GDA: variants seen among roughly 807,000 people sequenced by gnomAD.
The protein encoded by GDA is cytoplasmic PSD-95 interactor.
In GDA, 18 loss-of-function variants were observed where a neutral mutation model predicts 59.6. That is an observed-to-expected ratio of 0.30 (90% CI 0.21 to 0.45). The LOEUF (loss-of-function observed/expected upper bound fraction) is 0.45, where lower values mean the gene tolerates loss of function less well. GDA is among the 20% of genes least tolerant of loss of function. The pLI is 1.00. For missense variants in GDA, 427 were observed against 552.3 expected (o/e 0.77, Z 2.27); for synonymous variants, 201 against 201.1 (o/e 1.00, Z 0.00).
At chr9:72,231,039 C>T (rs1587740508) in intron 9 of GDA, 75 bp from the exon 10 acceptor site, 6 of 855,838 alleles carry the variant, frequency 7.0e-6, no homozygotes, top group South Asian at 4.0e-5. Flanking sequence ...GTGGCATCAC[C>T]GTCATTGTTA....
chr9:72,241,036 C>T, intron 10 of GDA, 116 bp from the exon 11 acceptor site: 2 of 631,386 alleles, frequency 3.2e-6, no homozygotes, highest in Admixed American at 2.8e-5. Flanking sequence ...TAGTTAAGAG[C>T]TTTTTAAAAA....
intron 1 of GDA, among the ~76,000 whole-genome samples, chr9:72,179,725 A>T (rs1020329204): frequency 1.3e-5 from 2 of 152,204 alleles, no homozygotes; most frequent in Non-Finnish European, 2.9e-5. Context: ...GAAGTCCAAG[A>T]TCAAGGAATC....
chr9:72,197,668 AGTAAG>A (rs1437165899), intron 2 of GDA: 1 of 152,202 alleles, frequency 6.6e-6, no homozygotes, highest in African/African-American at 2.4e-5. Context: ...ACAAGGAAGT[AGTAAG>A]GTAAGAAATA....
chr9:72,249,967 A>T lies in GDA; in HGVS notation c.*1625A>T. On this transcript the variant is annotated 3_prime_UTR_variant, in exon 14 of 14. Transcript: ENST00000358399. ...TTTGATTATGTATACATGACACCTA[A>T]AGAGGGAACAAAAGTTAGTTTTATT... is the stretch of plus-strand genomic sequence containing the variant. The T allele has an allele frequency of 1.0e-6, 1 of 954,344 alleles. No individual in the cohort carries two copies. The highest frequency in any genetic ancestry group is 1.2e-6 in the Non-Finnish European group (1 of 801,654). 59.1% of individuals were successfully genotyped at this position (954,344 alleles called of 1,614,324 possible). A position where few individuals can be genotyped will look rare whatever the true frequency, so the allele number is the denominator to read the frequency against.
At chr9:72,170,464 G>A (rs1441089797) in intron 1 of GDA, among the ~76,000 whole-genome samples, 1 of 152,106 alleles carries the variant, frequency 6.6e-6, no homozygotes, top group Non-Finnish European at 1.5e-5. Context: ...ATATATTTGG[G>A]CACAAGCCGG....
intron 10 of GDA, among the ~76,000 whole-genome samples, chr9:72,238,093 G>A (rs1839219717): frequency 6.6e-6 from 1 of 152,110 alleles, no homozygotes; most frequent in African/African-American, 2.4e-5. Flanking sequence ...ACAAAGCTCT[G>A]CAATGGTTTG....
At chr9:72,205,986 C>G (rs902994877) in intron 3 of GDA, among the ~76,000 whole-genome samples, 5 of 152,056 alleles carry the variant, frequency 3.3e-5, no homozygotes, top group African/African-American at 1.2e-4. Flanking sequence ...ATCTTTAAGT[C>G]AAGATTGTAG....
In GDA at chr9:72,198,672, A is replaced by G. The variant is rs187185189; in HGVS notation, c.212+3084A>G. Among the ~76,000 whole-genome samples, 136 of 152,140 alleles carry G rather than the reference A, an allele frequency of 8.9e-4. 1 individual carries two copies. The highest frequency in any genetic ancestry group is 3.3e-3 in the African/African-American group (135 of 41,512). On this transcript the variant is annotated intron_variant, in intron 2 of 13. Transcript: ENST00000358399. ...TCACTTTCAAATAACATGGATTCTC[A>G]GGCCCATGATGCCATTGCATTACTG...
At chr9:72,199,994 C>CTTT (rs1271694156) in intron 2 of GDA, among the ~76,000 whole-genome samples, 70 of 119,832 alleles carry the variant, frequency 5.8e-4, no homozygotes, top group African/African-American at 9.7e-4. Context: ...TGAATCCTTT[C>CTTT]TTTTTTTTTT....
intron 7 of GDA, among the ~76,000 whole-genome samples, chr9:72,225,432 C>A (rs924918497): frequency 3.3e-5 from 5 of 152,036 alleles, no homozygotes; most frequent in African/African-American, 1.2e-4. Flanking sequence ...CACATACACA[C>A]CCACACCCAC....
intron 1 of GDA, among the ~76,000 whole-genome samples, chr9:72,192,880 A>AAACAAC (rs150999149): frequency 4.0e-5 from 6 of 151,406 alleles, no homozygotes; most frequent in African/African-American, 1.5e-4. Flanking sequence ...CTCCTTCTCA[A>AAACAAC]AACAACAACA....
chr9:72,146,390 A>G (rs1339711397), upstream of GDA, among the ~76,000 whole-genome samples: 1 of 151,814 alleles, frequency 6.6e-6, no homozygotes, highest in African/African-American at 2.4e-5. Flanking sequence ...TGAATATGAA[A>G]GCTCTGTACT....
At chr9:72,129,225 A>C (rs1825946356) in intron 1 of GDA, among the ~76,000 whole-genome samples, 1 of 152,132 alleles carries the variant, frequency 6.6e-6, no homozygotes, top group Non-Finnish European at 1.5e-5. Flanking sequence ...GGCCTCCCAA[A>C]GTGCTAGGAT....
At chr9:72,149,987 G>C (rs904594788) in intron 1 of GDA, among the ~76,000 whole-genome samples, 5 of 151,250 alleles carry the variant, frequency 3.3e-5, no homozygotes, top group African/African-American at 9.7e-5. Flanking sequence ...CCCGCCCCCC[G>C]TTCCAATCCT....
At chr9:72,149,762 C>T (rs890295967) in intron 1 of GDA, 80 bp downstream of exon 1, 3 of 1,419,928 alleles carry the variant, frequency 2.1e-6, no homozygotes, top group Admixed American at 2.6e-5. Flanking sequence ...TTCGCGTAGC[C>T]CGGGGTTCGC....
downstream of GDA, among the ~76,000 whole-genome samples, chr9:72,255,365 A>T (rs533189177): frequency 6.8e-4 from 103 of 152,116 alleles, no homozygotes; most frequent in Non-Finnish European, 1.4e-3. Flanking sequence ...CAATGAGGGC[A>T]TCTATGGATT....
intron 1 of GDA, among the ~76,000 whole-genome samples, chr9:72,124,683 T>G (rs1038073736): frequency 6.6e-6 from 1 of 152,246 alleles, no homozygotes; most frequent in Admixed American, 6.5e-5. Flanking sequence ...GAGTTTTCTT[T>G]TTTTTTAATT....
chr9:72,162,290 C>T (rs1156455754), intron 1 of GDA, among the ~76,000 whole-genome samples: 1 of 152,092 alleles, frequency 6.6e-6, no homozygotes, highest in Non-Finnish European at 1.5e-5. Context: ...TATTTGCACT[C>T]GGAGTCAATA....
upstream of GDA, among the ~76,000 whole-genome samples, chr9:72,146,900 G>A (rs1388001427): frequency 6.6e-6 from 1 of 152,180 alleles, no homozygotes; most frequent in Non-Finnish European, 1.5e-5. Flanking sequence ...GGGAATGGAA[G>A]TGGAACTATG....
Sources: gnomAD v4.1 joint callset for allele counts (sites outside exome capture counted in the v4.1 genomes callset) on GRCh38, gnomAD v4.1.1 for gene constraint, MANE v1.5 for transcripts, NCBI Gene and HGNC (gene_info 2026-07-23, HGNC 2026-07-21) for gene names.